Variants in NBAS observed in about 807,000 individuals in gnomAD.
NBAS encodes the protein NBAS subunit of NRZ tethering complex, also known as NAG/BC035112 fusion.
Under a neutral mutation model 302.5 loss-of-function variants are expected in NBAS, and 219 were observed. That is an observed-to-expected ratio of 0.72 (90% CI 0.65 to 0.81). The LOEUF (loss-of-function observed/expected upper bound fraction) is 0.81. NBAS is among the 30% of genes least tolerant of loss of function. NBAS has a pLI of 0.00. For missense variants in NBAS, 2,932 were observed against 2,841.6 expected (o/e 1.03, Z -0.72); for synonymous variants, 1,118 against 1,021.6 (o/e 1.09, Z -1.80).
At chr2:15,191,783 C>T (rs1036506251) in intron 48 of NBAS, among the ~76,000 whole-genome samples, 9 of 152,098 alleles carry the variant, frequency 5.9e-5, no homozygotes, top group Non-Finnish European at 1.0e-4. Flanking sequence ...TGTTGCCTTG[C>T]CTATTTATAA....
intron 35 of NBAS, 102 bp from the exon 36 acceptor site, chr2:15,330,867 G>C (rs1672309939): frequency 7.9e-7 from 1 of 1,264,874 alleles, no homozygotes; most frequent in Non-Finnish European, 1.1e-6. Flanking sequence ...TATTAAACTT[G>C]AAGACAGACA....
intron 47 of NBAS, among the ~76,000 whole-genome samples, chr2:15,231,021 T>C (rs1667360418): frequency 1.3e-5 from 2 of 152,172 alleles, no homozygotes. Context: ...CTGCCTTCTG[T>C]ACAGCGCTTC....
At chr2:15,532,196 A>C (rs1268651537) in intron 9 of NBAS, among the ~76,000 whole-genome samples, 1 of 152,162 alleles carries the variant, frequency 6.6e-6, no homozygotes, top group Non-Finnish European at 1.5e-5. Context: ...CCATAATAAT[A>C]ATCATACTAT....
chr2:15,032,487 T>C, the NBAS span, among the ~76,000 whole-genome samples: 5 of 152,200 alleles, frequency 3.3e-5, no homozygotes, highest in African/African-American at 1.2e-4. Context: ...AGATAGTTGG[T>C]TGAGTAGGTT....
At chr2:15,192,020 G>A (rs550345185) in intron 48 of NBAS, among the ~76,000 whole-genome samples, 6 of 152,226 alleles carry the variant, frequency 3.9e-5, no homozygotes, top group African/African-American at 1.2e-4. Context: ...TTTCTCAAAT[G>A]TCACCTATCA....
the NBAS span, among the ~76,000 whole-genome samples, chr2:15,005,469 T>G: frequency 1.3e-5 from 2 of 152,208 alleles, no homozygotes; most frequent in African/African-American, 2.4e-5. Context: ...AGAATAACTC[T>G]GGGAGATGGG....
chr2:15,045,549 T>C, the NBAS span, among the ~76,000 whole-genome samples: 1 of 152,242 alleles, frequency 6.6e-6, no homozygotes, highest in African/African-American at 2.4e-5. Flanking sequence ...GGTGTATACA[T>C]ATACATATAT....
intron 38 of NBAS, among the ~76,000 whole-genome samples, chr2:15,320,550 T>A (rs1416809829): frequency 6.6e-6 from 1 of 152,106 alleles, no homozygotes; most frequent in Non-Finnish European, 1.5e-5. Flanking sequence ...TTCAGCAAAG[T>A]CTCAGGATAC....
chr2:15,079,381 A>G, the NBAS span, among the ~76,000 whole-genome samples: 1 of 152,098 alleles, frequency 6.6e-6, no homozygotes, highest in African/African-American at 2.4e-5. Flanking sequence ...GGGGAATTTA[A>G]AAGAGATCAT....
chr2:15,016,345 G>A, the NBAS span, among the ~76,000 whole-genome samples: 4 of 152,088 alleles, frequency 2.6e-5, no homozygotes, highest in South Asian at 4.2e-4. Flanking sequence ...CCTACAACAC[G>A]TGGGAATTAT....
At position 15,401,794 on chromosome 2, in the gene NBAS, T is replaced by C. The variant is rs549789363; in HGVS notation, c.3071+374A>G. ...GCAAAGGCCAAGAAGAAATAATTCA[T>C]AGAATAAATATAATTAGCCAATAAA... On this transcript the variant is annotated intron_variant, in intron 26 of 51. Coordinates refer to ENST00000281513, the MANE Select transcript of NBAS (RefSeq NM_015909.4). Among the ~76,000 whole-genome samples the C allele has an allele frequency of 4.1e-4, 63 of 152,286 alleles. No homozygotes were observed. The South Asian group carries it at 9.7e-3, about 24-fold the overall frequency.
At chr2:14,874,373 TC>T in the NBAS span, among the ~76,000 whole-genome samples, 1 of 150,546 alleles carries the variant, frequency 6.6e-6, no homozygotes, top group South Asian at 2.1e-4. Context: ...ACGCCTGTAA[TC>T]CCAGCACTTT....
intron 19 of NBAS, among the ~76,000 whole-genome samples, chr2:15,462,257 T>G (rs1364421113): frequency 1.3e-5 from 2 of 152,188 alleles, no homozygotes; most frequent in African/African-American, 4.8e-5. Context: ...GGCACTGTGA[T>G]ACATTGAACA....
chr2:14,879,873 T>G, the NBAS span, among the ~76,000 whole-genome samples: 1 of 152,180 alleles, frequency 6.6e-6, no homozygotes, highest in South Asian at 2.1e-4. Flanking sequence ...GATAACATCA[T>G]GCTCAGAAAA....
chr2:15,004,462 AT>A, the NBAS span, among the ~76,000 whole-genome samples: 1 of 152,160 alleles, frequency 6.6e-6, no homozygotes. Context: ...CCAAACTGGC[AT>A]GTGATGATTT....
chr2:14,989,293 A>ATGTGTGTGTATGTG, the NBAS span, among the ~76,000 whole-genome samples: 1 of 148,024 alleles, frequency 6.8e-6, no homozygotes, highest in African/African-American at 2.5e-5. Context: ...ATGTATGTGT[A>ATGTGTGTGTATGTG]TGTGTGTGTG....
intron 12 of NBAS, among the ~76,000 whole-genome samples, chr2:15,484,383 C>G (rs528499591): frequency 2.6e-3 from 390 of 152,208 alleles, no homozygotes; most frequent in Non-Finnish European, 3.7e-3. Context: ...GGAATCTTGA[C>G]TCTAACATTT....
the NBAS span, among the ~76,000 whole-genome samples, chr2:14,996,987 T>C: frequency 6.6e-6 from 1 of 152,150 alleles, no homozygotes; most frequent in Non-Finnish European, 1.5e-5. Flanking sequence ...AAAACAAGAC[T>C]GTGCTTGAAT....
chr2:15,113,872 C>T, the NBAS span, among the ~76,000 whole-genome samples: 3 of 151,902 alleles, frequency 2.0e-5, no homozygotes, highest in South Asian at 2.1e-4. Context: ...TCAAAAACCA[C>T]CATTTTATAA....
Sources: allele counts gnomAD v4.1 joint callset (sites outside exome capture counted in the v4.1 genomes callset), GRCh38; gene constraint gnomAD v4.1.1; transcripts MANE v1.5; gene names NCBI Gene and HGNC (gene_info 2026-07-23, HGNC 2026-07-21).